The following SHISAL1 variants were observed in gnomAD, a reference collection of about 807,000 sequenced individuals.
SHISAL1 encodes shisa like 1.
SHISAL1 carries 9 observed loss-of-function variants against 22.6 expected under a neutral mutation model. The ratio of observed to expected loss-of-function variants is 0.40; its 90% CI spans 0.24 to 0.70. SHISAL1 has a LOEUF of 0.70. Ranked by LOEUF, SHISAL1 falls within the 30% of genes least tolerant of loss-of-function variation. The pLI, the probability that SHISAL1 is intolerant of heterozygous loss-of-function variation, is 0.39. For missense variants in SHISAL1, 246 were observed against 270.6 expected, an observed-to-expected ratio of 0.91 and a Z score of 0.64; for synonymous variants, 119 against 115.4, an observed-to-expected ratio of 1.03 and a Z score of -0.20.
At chr22:44,271,276 C>G (rs135415) in intron 4 of SHISAL1, among the ~76,000 whole-genome samples, 1 of 151,970 alleles carries the variant, frequency 6.6e-6, no homozygotes, top group Non-Finnish European at 1.5e-5. Flanking sequence ...TTCCTGCCTG[C>G]CCCCACCTGC....
intron 4 of SHISAL1, among the ~76,000 whole-genome samples, chr22:44,279,016 T>A (rs537592301): frequency 1.3e-5 from 2 of 152,080 alleles, no homozygotes; most frequent in Admixed American, 6.5e-5. Context: ...GCACTGAGAC[T>A]AGGGAGGGCC....
upstream of SHISAL1, among the ~76,000 whole-genome samples, chr22:44,316,708 A>G (rs1355049706): frequency 6.6e-6 from 1 of 152,162 alleles, no homozygotes; most frequent in Non-Finnish European, 1.5e-5. Flanking sequence ...TTGGAAATGC[A>G]GGCTCTCGCG....
At chr22:44,327,039 T>G in the SHISAL1 span, among the ~76,000 whole-genome samples, 3 of 152,110 alleles carry the variant, frequency 2.0e-5, no homozygotes, top group South Asian at 6.2e-4. Flanking sequence ...TGTGTGACCT[T>G]GAACACGGTC....
chr22:44,244,331 C>T lies in SHISAL1; in HGVS notation c.*5354G>A, dbSNP rs1569202123. Reference sequence around the variant, plus strand: ...CCTCATTGTACAAACCTAAGGGTCACCGTTCTCAGTGCAGTCTATGTAAAC... The same window carrying T: ...CCTCATTGTACAAACCTAAGGGTCATCGTTCTCAGTGCAGTCTATGTAAAC... On this transcript the variant is annotated 3_prime_UTR_variant, in exon 5 of 5. Transcript: ENST00000381176. 5 of 152,168 alleles carry T rather than the reference C, an allele frequency of 3.3e-5. No individual in the cohort carries two copies. The highest frequency in any genetic ancestry group is 1.2e-4 in the African/African-American group (5 of 41,442). 9.4% of individuals were successfully genotyped at this position (152,168 alleles called of 1,614,324 possible).
chr22:44,290,541 AAAAC>A (rs1156428831), intron 3 of SHISAL1, among the ~76,000 whole-genome samples: 26 of 151,682 alleles, frequency 1.7e-4, no homozygotes, highest in African/African-American at 5.6e-4. Flanking sequence ...AAAAAAAAAA[AAAAC>A]AAAAAACGGG....
At position 44,300,977 on chromosome 22, in the gene SHISAL1, C is replaced by T. The variant is rs767634402; in HGVS notation, c.-32G>A. The T allele has an allele frequency of 6.2e-7, 1 of 1,604,846 alleles. No individual in the cohort carries two copies. Among genetic ancestry groups the T allele is most frequent in the South Asian group, 1.1e-5 (1 of 90,484 alleles). On this transcript the variant is annotated splice_region_variant and 5_prime_UTR_variant, in exon 2 of 5. Coordinates refer to ENST00000381176, the MANE Select transcript of SHISAL1 (RefSeq NM_001099294.2). Reference sequence around the variant, plus strand: ...GCTTGCATTGATCCGTCCAGAGCTGCCTGTTCAATGAGAGCCACGAGAGGC... The same window carrying T: ...GCTTGCATTGATCCGTCCAGAGCTGTCTGTTCAATGAGAGCCACGAGAGGC...
At chr22:44,305,401 G>A (rs1001532411) in intron 1 of SHISAL1, among the ~76,000 whole-genome samples, 3 of 152,202 alleles carry the variant, frequency 2.0e-5, no homozygotes, top group South Asian at 2.1e-4. Flanking sequence ...CCTGGCCAGG[G>A]CTGGCCCTCA....
upstream of SHISAL1, among the ~76,000 whole-genome samples, chr22:44,317,012 T>C (rs1203394016): frequency 6.6e-6 from 1 of 152,108 alleles, no homozygotes; most frequent in East Asian, 1.9e-4. Flanking sequence ...ACTTCAAAAT[T>C]ATGCAAATAG....
At chr22:44,311,723 G>A (rs1227613727) in intron 1 of SHISAL1, among the ~76,000 whole-genome samples, 5 of 152,208 alleles carry the variant, frequency 3.3e-5, no homozygotes, top group African/African-American at 1.2e-4. Flanking sequence ...GGCCCTAGAT[G>A]CCCCACTGTC....
intron 2 of SHISAL1, among the ~76,000 whole-genome samples, chr22:44,298,421 C>T (rs1158119277): frequency 6.6e-6 from 1 of 152,222 alleles, no homozygotes; most frequent in Non-Finnish European, 1.5e-5. Flanking sequence ...GGGGTAGGCC[C>T]CGCCGTCTGT....
chr22:44,267,363 A>G (rs971050918), intron 4 of SHISAL1, among the ~76,000 whole-genome samples: 5 of 151,764 alleles, frequency 3.3e-5, no homozygotes, highest in Non-Finnish European at 2.9e-5. Flanking sequence ...CTCCCAGGCT[A>G]CTCAGCCCAG....
At chr22:44,249,784 G>A in intron 4 of SHISAL1, 99 bp from the exon 5 acceptor site, 2 of 752,532 alleles carry the variant, frequency 2.7e-6, no homozygotes, top group South Asian at 1.4e-5. Context: ...TTTTCTCTGA[G>A]CATGTGGGTT....
At chr22:44,274,547 G>A (rs986915596) in intron 4 of SHISAL1, among the ~76,000 whole-genome samples, 7 of 152,052 alleles carry the variant, frequency 4.6e-5, no homozygotes, top group Non-Finnish European at 5.9e-5. Flanking sequence ...ATTTATCATC[G>A]TATTAATAAA....
At chr22:44,308,285 A>G (rs1408929290) in intron 1 of SHISAL1, among the ~76,000 whole-genome samples, 1 of 152,076 alleles carries the variant, frequency 6.6e-6, no homozygotes, top group Non-Finnish European at 1.5e-5. Flanking sequence ...TCTTCCATCA[A>G]CCCAAGCCCT....
intron 4 of SHISAL1, among the ~76,000 whole-genome samples, chr22:44,273,816 CCT>C (rs1378879131): frequency 6.6e-6 from 1 of 152,056 alleles, no homozygotes; most frequent in Admixed American, 6.6e-5. Flanking sequence ...TGGCTTCAAA[CCT>C]CAACTGTCTT....
At chr22:44,271,543 G>A (rs1217308623) in intron 4 of SHISAL1, among the ~76,000 whole-genome samples, 1 of 152,210 alleles carries the variant, frequency 6.6e-6, no homozygotes, top group Non-Finnish European at 1.5e-5. Flanking sequence ...GGAGACATTT[G>A]CCAACAAGCA....
intron 3 of SHISAL1, among the ~76,000 whole-genome samples, chr22:44,294,925 T>A (rs1042758474): frequency 6.6e-6 from 1 of 152,136 alleles, no homozygotes; most frequent in Non-Finnish European, 1.5e-5. Flanking sequence ...AACTCTAAAA[T>A]GCTATGAAAG....
chr22:44,262,488 T>C (rs769850732), intron 4 of SHISAL1, among the ~76,000 whole-genome samples: 2 of 152,188 alleles, frequency 1.3e-5, no homozygotes, highest in African/African-American at 2.4e-5. Flanking sequence ...GCACCTCCCA[T>C]GCGTGTGGAG....
rs12162783 is a variant in SHISAL1, at chr22:44,307,894, G to A, written c.-33+4857C>T. Among the ~76,000 whole-genome samples, 252 of 152,324 alleles carry A rather than the reference G, an allele frequency of 1.7e-3. 8 individuals carry two copies. The East Asian group carries it at 0.044, about 27-fold the overall frequency. The stretch of plus-strand genomic sequence containing the variant: ...AGGATGGCCTGCGGGGAGGGGCTGA[G>A]GCCTCAGGCTCCCACAGGCCTGGAT... On this transcript the variant is annotated intron_variant, in intron 1 of 4. Coordinates refer to ENST00000381176, the MANE Select transcript of SHISAL1 (RefSeq NM_001099294.2).
Sources: gnomAD v4.1 joint callset for allele counts (sites outside exome capture counted in the v4.1 genomes callset) on GRCh38, gnomAD v4.1.1 for gene constraint, MANE v1.5 for transcripts, NCBI Gene and HGNC (gene_info 2026-07-23, HGNC 2026-07-21) for gene names.